ZNF385D: variants seen among roughly 807,000 people sequenced by gnomAD.
ZNF385D encodes zinc finger protein 659.
In ZNF385D, 15 loss-of-function variants were observed where a neutral mutation model predicts 35.8. That is an observed-to-expected ratio of 0.42 (90% CI 0.28 to 0.64). ZNF385D has a LOEUF of 0.64. ZNF385D is among the 30% of genes least tolerant of loss of function. The pLI, the probability that ZNF385D is intolerant of heterozygous loss-of-function variation, is 0.23. For synonymous variants in ZNF385D, 212 were observed against 186.8 expected (o/e 1.13, Z -1.10); for missense variants, 474 against 494.6 (o/e 0.96, Z 0.39).
At chr3:21,636,413 T>G (rs1175623076) in intron 2 of ZNF385D, among the ~76,000 whole-genome samples, 40 of 25,632 alleles carry the variant, frequency 1.6e-3, no homozygotes, top group Middle Eastern at 0.015. Context: ...TATATATATA[T>G]AGAGTTTCTT....
At chr3:21,867,716 G>A (rs1621826) in intron 3 of ZNF385D, among the ~76,000 whole-genome samples, 68,640 of 150,304 alleles carry the variant, frequency 0.46, 15,914 homozygotes, top group African/African-American at 0.53. Flanking sequence ...TCAATGCCAA[G>A]AGGCAATATG....
chr3:22,268,787 T>C (rs75132725), intron 2 of ZNF385D, among the ~76,000 whole-genome samples: 1 of 151,992 alleles, frequency 6.6e-6, no homozygotes, highest in South Asian at 2.1e-4. Context: ...TTTGGAGACA[T>C]ACCCCCTCAG....
chr3:22,182,122 G>T (rs1049900597), intron 2 of ZNF385D, among the ~76,000 whole-genome samples: 1 of 152,144 alleles, frequency 6.6e-6, no homozygotes, highest in Non-Finnish European at 1.5e-5. Flanking sequence ...CTCAGAAATT[G>T]TGAGCTAATA....
chr3:21,558,823 T>C (rs2062834705), intron 3 of ZNF385D, among the ~76,000 whole-genome samples: 1 of 152,190 alleles, frequency 6.6e-6, no homozygotes, highest in Middle Eastern at 3.2e-3. Flanking sequence ...ATCTGGATGC[T>C]CCTTTATTGG....
chr3:22,056,929 A>T (rs1214094301), intron 3 of ZNF385D, among the ~76,000 whole-genome samples: 1 of 152,230 alleles, frequency 6.6e-6, no homozygotes, highest in Non-Finnish European at 1.5e-5. Context: ...GTCTCTAATC[A>T]CATCATTTTC....
chr3:21,436,778 C>G lies in ZNF385D; in HGVS notation c.673+192G>C, dbSNP rs768957962. On this transcript the variant is annotated intron_variant, in intron 5 of 7. Coordinates refer to ENST00000281523, the MANE Select transcript of ZNF385D (RefSeq NM_024697.3). ...ACACACACACCATGGACTTCGAGCCCTGGAAACCACCCCTTGCCCCTATAT... is the reference window on the plus strand; with the variant it reads ...ACACACACACCATGGACTTCGAGCCGTGGAAACCACCCCTTGCCCCTATAT... 1.7e-5 allele frequency: 10 copies of G among 597,270 alleles called. No individual in the cohort carries two copies. The Middle Eastern group carries it at 1.3e-3, about 80-fold the overall frequency. 37.0% of individuals were successfully genotyped at this position (597,270 alleles called of 1,614,324 possible). A position where few individuals can be genotyped will look rare whatever the true frequency, so the allele number is the denominator to read the frequency against.
chr3:22,127,416 T>C (rs549123196), intron 3 of ZNF385D, among the ~76,000 whole-genome samples: 3 of 141,266 alleles, frequency 2.1e-5, no homozygotes, highest in Admixed American at 1.5e-4. Flanking sequence ...CTTGGTTCAA[T>C]GAAACCTCTG....
At chr3:21,880,061 G>C (rs1385849720) in intron 3 of ZNF385D, among the ~76,000 whole-genome samples, 1 of 151,890 alleles carries the variant, frequency 6.6e-6, no homozygotes, top group East Asian at 1.9e-4. Context: ...TATGCAAATA[G>C]CATGCAAATT....
At chr3:21,823,152 T>A (rs1251832689) in intron 3 of ZNF385D, among the ~76,000 whole-genome samples, 1 of 152,172 alleles carries the variant, frequency 6.6e-6, no homozygotes, top group African/African-American at 2.4e-5. Flanking sequence ...TATATGTTTA[T>A]TGATATTAAT....
At chr3:21,532,457 A>G (rs949921244) in intron 3 of ZNF385D, among the ~76,000 whole-genome samples, 1 of 152,180 alleles carries the variant, frequency 6.6e-6, no homozygotes, top group South Asian at 2.1e-4. Flanking sequence ...CAATATCACA[A>G]TTAGCTGAAT....
rs548384254 is a variant in ZNF385D, at chr3:22,261,841, G to A, written c.107-92806C>T. Among the ~76,000 whole-genome samples, 15 of 152,010 alleles carry A rather than the reference G, an allele frequency of 9.9e-5. No individual in the cohort carries two copies. The East Asian group carries it at 2.7e-3, about 28-fold the overall frequency. ...ACCCATACCTCTACTTCCTCCTCAA[G>A]CCTATGGGTGATAATGACTCCCTGT... On this transcript the variant is annotated intron_variant, in intron 2 of 5. Coordinates refer to the ZNF385D transcript ENST00000494108.
At chr3:21,881,886 G>A (rs1046220600) in intron 3 of ZNF385D, among the ~76,000 whole-genome samples, 1 of 152,034 alleles carries the variant, frequency 6.6e-6, no homozygotes, top group Non-Finnish European at 1.5e-5. Context: ...AGCAGAGGAA[G>A]TAACTGCATA....
chr3:21,641,134 C>T (rs373228135), intron 2 of ZNF385D, among the ~76,000 whole-genome samples: 23 of 152,072 alleles, frequency 1.5e-4, no homozygotes, highest in African/African-American at 5.1e-4. Flanking sequence ...GTTTTCCTGA[C>T]GTGTTCTTGC....
intron 2 of ZNF385D, among the ~76,000 whole-genome samples, chr3:22,366,357 C>T (rs1202252601): frequency 2.0e-5 from 3 of 152,052 alleles, no homozygotes; most frequent in African/African-American, 7.2e-5. Context: ...CTGTCAACTT[C>T]GATATTCCCA....
At chr3:21,490,887 T>A (rs966643062) in intron 4 of ZNF385D, among the ~76,000 whole-genome samples, 1 of 130,378 alleles carries the variant, frequency 7.7e-6, no homozygotes, top group African/African-American at 3.0e-5. Context: ...TTAGCCTCAT[T>A]ATTCACTGAG....
intron 3 of ZNF385D, among the ~76,000 whole-genome samples, chr3:22,110,648 G>A (rs1702472121): frequency 6.6e-6 from 1 of 151,858 alleles, no homozygotes; most frequent in African/African-American, 2.4e-5. Flanking sequence ...TGGGGTGGGG[G>A]GAGTGGGGAG....
At chr3:21,562,406 C>G (rs140178633) in intron 3 of ZNF385D, among the ~76,000 whole-genome samples, 1 of 152,010 alleles carries the variant, frequency 6.6e-6, no homozygotes, top group African/African-American at 2.4e-5. Flanking sequence ...AATAGAACCA[C>G]TGTCTGGAAA....
chr3:21,750,347 T>C (rs1245684211), intron 1 of ZNF385D, among the ~76,000 whole-genome samples: 1 of 152,188 alleles, frequency 6.6e-6, no homozygotes, highest in Non-Finnish European at 1.5e-5. Flanking sequence ...TCAAATAATA[T>C]GCATTTTGTG....
chr3:21,962,319 T>C (rs933722988), intron 3 of ZNF385D, among the ~76,000 whole-genome samples: 5 of 152,062 alleles, frequency 3.3e-5, no homozygotes, highest in African/African-American at 9.7e-5. Flanking sequence ...AGGTAAATTC[T>C]AGGTTATCAA....
Sources: allele counts gnomAD v4.1 joint callset (sites outside exome capture counted in the v4.1 genomes callset), GRCh38; gene constraint gnomAD v4.1.1; transcripts MANE v1.5; gene names NCBI Gene and HGNC (gene_info 2026-07-23, HGNC 2026-07-21).